KIF2A: variants seen among roughly 807,000 people sequenced by gnomAD.
The protein encoded by KIF2A is kinesin family member 2A, also known as kinesin-like protein KIF2A.
Under a neutral mutation model 100.2 loss-of-function variants are expected in KIF2A, and 22 were observed. The ratio of observed to expected loss-of-function variants is 0.22; its 90% CI spans 0.16 to 0.31. The LOEUF (loss-of-function observed/expected upper bound fraction) is 0.31. Ranked by LOEUF, KIF2A falls within the 10% of genes least tolerant of loss-of-function variation. The pLI, the probability that KIF2A is intolerant of heterozygous loss-of-function variation, is 1.00. For synonymous variants in KIF2A, 268 were observed against 285.9 expected (o/e 0.94, Z 0.63); for missense variants, 495 against 898.7 (o/e 0.55, Z 5.74).
intron 13 of KIF2A, 59 bp from the exon 14 acceptor site, chr5:62,363,636 G>A: frequency 7.1e-7 from 1 of 1,406,460 alleles, no homozygotes; most frequent in African/African-American, 1.4e-5. Context: ...AAAATAATGT[G>A]GTTTGAACAT....
intron 1 of KIF2A, among the ~76,000 whole-genome samples, chr5:62,327,867 A>G (rs745812598): frequency 6.6e-6 from 1 of 152,180 alleles, no homozygotes; most frequent in African/African-American, 2.4e-5. Context: ...GAATAATAAC[A>G]TTGCACTAAC....
At chr5:62,365,478 A>G (rs112428917) in intron 15 of KIF2A, 125 bp downstream of exon 15, 67 of 543,266 alleles carry the variant, frequency 1.2e-4, no homozygotes, top group Non-Finnish European at 1.8e-4. Context: ...TGATATGGTG[A>G]TATTTAAGAT....
chr5:62,329,164 A>G (rs1053441729), intron 1 of KIF2A, among the ~76,000 whole-genome samples: 2 of 152,170 alleles, frequency 1.3e-5, no homozygotes, highest in Non-Finnish European at 2.9e-5. Flanking sequence ...TTAATGTCTA[A>G]GAAAGGAAAT....
chr5:62,336,645 T>G (rs1746967077), intron 1 of KIF2A, among the ~76,000 whole-genome samples: 2 of 152,218 alleles, frequency 1.3e-5, no homozygotes, highest in African/African-American at 4.8e-5. Flanking sequence ...AAAACAGTTC[T>G]GGGAAAGAAA....
chr5:62,315,236 G>GA (rs1745756246), intron 1 of KIF2A, among the ~76,000 whole-genome samples: 2 of 44,702 alleles, frequency 4.5e-5, no homozygotes, highest in African/African-American at 1.8e-4. Context: ...TGGGGCTGTG[G>GA]AAAAAAACAG....
intron 11 of KIF2A, 33 bp downstream of exon 11, chr5:62,361,562 T>C: frequency 8.3e-7 from 1 of 1,209,198 alleles, no homozygotes; most frequent in Non-Finnish European, 1.2e-6. Context: ...ATTTGGAATA[T>C]TCTTCTGTGG....
At chr5:62,314,758 GTTTTTTT>G (rs34987605) in intron 1 of KIF2A, among the ~76,000 whole-genome samples, 1 of 100,914 alleles carries the variant, frequency 9.9e-6, no homozygotes, top group Non-Finnish European at 1.9e-5. Context: ...AGAATGAACT[GTTTTTTT>G]TTTTTTTTTT....
In KIF2A at chr5:62,326,760, C is replaced by T. The variant is rs527666687; in HGVS notation, c.64+20224C>T. Among the ~76,000 whole-genome samples the T allele has an allele frequency of 1.1e-4, 17 of 151,984 alleles. No individual in the cohort carries two copies. The East Asian group carries it at 3.3e-3, about 29-fold the overall frequency. On this transcript the variant is annotated intron_variant, in intron 1 of 20. Transcript: ENST00000407818. ...CCTATAATCCCAGCACTTTGGGAGG[C>T]TGAGGCAGGCAGATCGCTTGAGCCC...
intron 1 of KIF2A, among the ~76,000 whole-genome samples, chr5:62,339,228 A>T (rs1747139945): frequency 6.6e-6 from 1 of 152,078 alleles, no homozygotes; most frequent in Non-Finnish European, 1.5e-5. Flanking sequence ...GATGCCACAC[A>T]CTTTTAAACA....
intron 1 of KIF2A, 83 bp from the exon 2 acceptor site, chr5:62,347,047 C>T: frequency 2.8e-6 from 2 of 720,244 alleles, no homozygotes; most frequent in Non-Finnish European, 4.6e-6. Context: ...TTTTAATTTC[C>T]AAGTTATAAA....
At chr5:62,359,691 T>C (rs1273788962) in intron 9 of KIF2A, among the ~76,000 whole-genome samples, 3 of 152,194 alleles carry the variant, frequency 2.0e-5, no homozygotes, top group Admixed American at 6.5e-5. Flanking sequence ...TCTGTGTGTA[T>C]GATTTAGTAA....
rs142830332 is a variant in KIF2A at position 62,344,382 on chromosome 5, G to C, written c.65-2748G>C. ...AAAAATGCAGATACCTACTTTGTAG[G>C]TATATTTGTTATGATTAAATGAACC... On this transcript the variant is annotated intron_variant, in intron 1 of 20. Transcript: ENST00000407818. Among the ~76,000 whole-genome samples, 1,023 of 152,028 alleles carry C rather than the reference G, an allele frequency of 6.7e-3. 19 individuals carry two copies. Among genetic ancestry groups the C allele is most frequent in the African/African-American group, 0.024 (977 of 41,474 alleles).
chr5:62,344,050 T>C (rs928011348), intron 1 of KIF2A, among the ~76,000 whole-genome samples: 28 of 152,024 alleles, frequency 1.8e-4, no homozygotes, highest in African/African-American at 6.3e-4. Flanking sequence ...TTCTCATCTA[T>C]AAATGCAGTT....
chr5:62,355,517 C>T (rs1335871922), intron 7 of KIF2A, among the ~76,000 whole-genome samples: 2 of 152,174 alleles, frequency 1.3e-5, no homozygotes, highest in African/African-American at 4.8e-5. Context: ...CAAAGCAACA[C>T]TTAAAGGAGT....
In KIF2A at chr5:62,363,187, T is replaced by A; in HGVS notation, c.1129T>A (p.Leu377Met). ...ATATGGTTTTTCATAGGTGTTTGAC[T>A]TGCTAAACAGGAAAACAAAATTAAG... ...FEIYSGKVFD[L>M]LNRKTKLRVL... Residue 377 changes from leucine (L) to methionine (M), a missense_variant, in exon 13 of 21, where the codon TTG (leucine) becomes ATG (methionine). Leu to Met is a conservative substitution (Grantham distance 15). Around this residue, in one of 10 missense-constraint regions of KIF2A, gnomAD observed 38 missense variants for 99.5 expected, o/e 0.38. Transcript: ENST00000407818. 6.2e-7 allele frequency: 1 copy of A among 1,605,990 alleles called. No individual in the cohort carries two copies. Among genetic ancestry groups the A allele is most frequent in the Non-Finnish European group, 8.5e-7 (1 of 1,176,132 alleles).
At chr5:62,381,031 G>A (rs1741752962) in intron 19 of KIF2A, 87 bp from the exon 20 acceptor site, 1 of 942,342 alleles carries the variant, frequency 1.1e-6, no homozygotes, top group East Asian at 2.5e-5. Context: ...ACTATCTTAA[G>A]TATGTTTGAT....
chr5:62,326,780 G>C (rs1746400694), intron 1 of KIF2A, among the ~76,000 whole-genome samples: 1 of 151,992 alleles, frequency 6.6e-6, no homozygotes, highest in Non-Finnish European at 1.5e-5. Flanking sequence ...CAGATCGCTT[G>C]AGCCCAGGAG....
rs1365823731 is a variant in KIF2A at position 62,362,633 on chromosome 5, A to T, written c.1119+92A>T. 1.0e-5 allele frequency: 5 copies of T among 492,684 alleles called. No individual in the cohort carries two copies. In the Admixed American group the frequency reaches 2.1e-4, roughly 21 times the overall value. The allele number at this position is 492,684 out of a possible 1,614,324, so 30.5% of individuals were successfully genotyped here. On this transcript the variant is annotated intron_variant, in intron 12 of 20. Coordinates refer to ENST00000407818, the MANE Select transcript of KIF2A (RefSeq NM_001098511.3). Reference sequence around the variant, plus strand: ...ACCATTTTTAAGTTCAGTGGCATTAAATATATTCACATTGTTGTGCAGCGT... The same window carrying T: ...ACCATTTTTAAGTTCAGTGGCATTATATATATTCACATTGTTGTGCAGCGT...
chr5:62,357,732 A>G lies in KIF2A; in HGVS notation c.696A>G (p.Pro232=). 1.3e-6 allele frequency: 2 copies of G among 1,557,872 alleles called. No homozygotes were observed. The highest frequency in any genetic ancestry group is 1.8e-6 in the Non-Finnish European group (2 of 1,132,000). The change falls in exon 8 of 21, where the codon CCA becomes CCG. Residue 232 remains proline, a synonymous_variant. Coordinates refer to ENST00000407818, the MANE Select transcript of KIF2A (RefSeq NM_001098511.3). ...TATGTGTGTGTGTAAGAAAACGACCACTCAATAAAAAAGGTATGGCACTTA... is the reference window on the plus strand; with the variant it reads ...TATGTGTGTGTGTAAGAAAACGACCGCTCAATAAAAAAGGTATGGCACTTA... The part of the protein sequence containing the change: ...HRICVCVRKR[P]LNKKETQMKD...
Sources: allele counts gnomAD v4.1 joint callset (sites outside exome capture counted in the v4.1 genomes callset), GRCh38; gene constraint gnomAD v4.1.1; regional missense constraint gnomAD v4.1.1; transcripts MANE v1.5; gene names NCBI Gene and HGNC (gene_info 2026-07-23, HGNC 2026-07-21).